TM9SF2: variants seen among roughly 807,000 people sequenced by gnomAD.
The protein encoded by TM9SF2 is transmembrane 9 superfamily member 2, also known as 76 kDa membrane protein.
Under a neutral mutation model 84.9 loss-of-function variants are expected in TM9SF2, and 13 were observed. That is an observed-to-expected ratio of 0.15 (90% CI 0.10 to 0.24). The LOEUF (loss-of-function observed/expected upper bound fraction) is 0.24. Among genes scored for constraint, TM9SF2 ranks in the 10% least tolerant of loss-of-function variants. The pLI, the probability that TM9SF2 is intolerant of heterozygous loss-of-function variation, is 1.00. For synonymous variants in TM9SF2, 273 were observed against 285.8 expected, an observed-to-expected ratio of 0.96 and a Z score of 0.45; for missense variants, 562 against 818.5, an observed-to-expected ratio of 0.69 and a Z score of 3.82.
chr13:99,535,226 C>A (rs903642823), intron 4 of TM9SF2, among the ~76,000 whole-genome samples: 33 of 152,072 alleles, frequency 2.2e-4, no homozygotes, highest in South Asian at 1.2e-3. Flanking sequence ...CTTCCTATTA[C>A]CAGAAAAAGC....
chr13:99,529,426 A>G (rs964544863), intron 3 of TM9SF2, 41 bp from the exon 4 acceptor site: 1 of 1,466,722 alleles, frequency 6.8e-7, no homozygotes, highest in Non-Finnish European at 9.0e-7. Flanking sequence ...AAAAACCTGG[A>G]TATTTTTTCT....
At chr13:99,543,328 A>G (rs1455901662) in intron 9 of TM9SF2, among the ~76,000 whole-genome samples, 1 of 152,166 alleles carries the variant, frequency 6.6e-6, no homozygotes, top group African/African-American at 2.4e-5. Flanking sequence ...TGCCTTCCCA[A>G]TGAGATCATG....
chr13:99,514,268 A>G (rs898214156), intron 1 of TM9SF2: 2 of 152,240 alleles, frequency 1.3e-5, no homozygotes, highest in African/African-American at 4.8e-5. Context: ...ACATTCATTC[A>G]CCGCTCACTC....
At chr13:99,551,342 T>C (rs578118711) in intron 12 of TM9SF2, among the ~76,000 whole-genome samples, 7 of 152,370 alleles carry the variant, frequency 4.6e-5, no homozygotes, top group African/African-American at 1.7e-4. Context: ...CATGGCAGCG[T>C]GCTAGATGTG....
intron 1 of TM9SF2, among the ~76,000 whole-genome samples, chr13:99,502,590 A>G (rs2046071464): frequency 6.6e-6 from 1 of 152,214 alleles, no homozygotes; most frequent in South Asian, 2.1e-4. Flanking sequence ...TTCACACTCA[A>G]GGTTTTCAGT....
At chr13:99,559,622 AG>A in intron 16 of TM9SF2, 88 bp downstream of exon 16, 1 of 1,277,292 alleles carries the variant, frequency 7.8e-7, no homozygotes, top group Non-Finnish European at 1.1e-6. Flanking sequence ...AAACCCATGA[AG>A]GCTTATTCTG....
intron 4 of TM9SF2, among the ~76,000 whole-genome samples, chr13:99,532,046 G>A (rs1036174076): frequency 6.6e-6 from 1 of 150,572 alleles, no homozygotes; most frequent in African/African-American, 2.4e-5. Flanking sequence ...GTCTGTGGAT[G>A]ATTTTTTTTT....
chr13:99,512,736 GACA>G (rs954901608), intron 1 of TM9SF2, among the ~76,000 whole-genome samples: 5 of 152,174 alleles, frequency 3.3e-5, no homozygotes, highest in Non-Finnish European at 5.9e-5. Context: ...CTAAAGTTTT[GACA>G]ACATTGTTTT....
At chr13:99,551,998 G>A (rs1718183753) in intron 12 of TM9SF2, among the ~76,000 whole-genome samples, 169 bp from the exon 13 acceptor site, 1 of 152,214 alleles carries the variant, frequency 6.6e-6, no homozygotes, top group Admixed American at 6.5e-5. Context: ...AATCTGAAGA[G>A]CAATTGGGTA....
intron 5 of TM9SF2, among the ~76,000 whole-genome samples, chr13:99,537,119 C>G (rs1314098824): frequency 8.1e-6 from 1 of 124,140 alleles, no homozygotes; most frequent in Non-Finnish European, 1.7e-5. Flanking sequence ...TTTTTAAGAC[C>G]TATGTGTCTT....
chr13:99,548,526 CT>C (rs1261934839), intron 11 of TM9SF2, among the ~76,000 whole-genome samples: 1 of 152,080 alleles, frequency 6.6e-6, no homozygotes, highest in African/African-American at 2.4e-5. Flanking sequence ...CAGACGTGTA[CT>C]TTCATTTTTC....
At chr13:99,507,802 G>A (rs2046094874) in intron 1 of TM9SF2, among the ~76,000 whole-genome samples, 1 of 152,152 alleles carries the variant, frequency 6.6e-6, no homozygotes, top group South Asian at 2.1e-4. Flanking sequence ...CATGACCCTT[G>A]TACAGTCACA....
Position 99,536,744 on chromosome 13 carries a change from T to C in TM9SF2, c.591+7T>C, listed in dbSNP as rs368274277. The C allele has an allele frequency of 6.2e-7, 1 of 1,612,474 alleles. No individual in the cohort carries two copies. Among genetic ancestry groups the C allele is most frequent in the Non-Finnish European group, 8.5e-7 (1 of 1,179,214 alleles). On this transcript the variant is annotated splice_region_variant and intron_variant, in intron 5 of 16. Coordinates refer to ENST00000376387, the MANE Select transcript of TM9SF2 (RefSeq NM_004800.3). ...AGATGCCTGTGTTATTAGTGTAAGTTCATGATAAACTCTTTGCTGCTTTTT... is the reference window on the plus strand; with the variant it reads ...AGATGCCTGTGTTATTAGTGTAAGTCCATGATAAACTCTTTGCTGCTTTTT...
rs1491280305 is a variant in TM9SF2, at chr13:99,503,732, A to AT, written c.171+1955_171+1956insT. Among the ~76,000 whole-genome samples, 179 of 146,200 alleles carry AT rather than the reference A, an allele frequency of 1.2e-3. 6 individuals carry two copies. Among genetic ancestry groups the AT allele is most frequent in the Middle Eastern group, 3.5e-3 (1 of 284 alleles). Reference sequence around the variant, plus strand: ...CTCAAAAAAAAAAAAAAAAAAAAAAAGAAGAAGAAGTGACATTTGAGATGG... The same window carrying AT: ...CTCAAAAAAAAAAAAAAAAAAAAAAATGAAGAAGAAGTGACATTTGAGATGG... On this transcript the variant is annotated intron_variant, in intron 1 of 16. Transcript: ENST00000376387.
intron 3 of TM9SF2, among the ~76,000 whole-genome samples, chr13:99,527,680 A>G (rs1176321319): frequency 1.3e-5 from 2 of 152,210 alleles, no homozygotes; most frequent in African/African-American, 4.8e-5. Flanking sequence ...GTGCAGCCTT[A>G]TATGATTTCC....
At chr13:99,539,635 T>C (rs1296698194) in intron 7 of TM9SF2, 78 bp downstream of exon 7, 9 of 936,644 alleles carry the variant, frequency 9.6e-6, no homozygotes, top group Non-Finnish European at 1.4e-5. Flanking sequence ...AAAATGTTAC[T>C]GATTATGCTT....
At chr13:99,535,903 A>G (rs759682137) in intron 4 of TM9SF2, among the ~76,000 whole-genome samples, 1 of 152,150 alleles carries the variant, frequency 6.6e-6, no homozygotes, top group Non-Finnish European at 1.5e-5. Context: ...CTTTTTCACT[A>G]TAGAACTTGA....
chr13:99,528,286 C>T (rs1160702330), intron 3 of TM9SF2, among the ~76,000 whole-genome samples: 1 of 152,230 alleles, frequency 6.6e-6, no homozygotes, highest in Non-Finnish European at 1.5e-5. Context: ...GGCTCAGATC[C>T]TGGCTATGCC....
intron 16 of TM9SF2, 73 bp from the exon 17 acceptor site, chr13:99,562,618 G>T: frequency 2.1e-6 from 3 of 1,451,800 alleles, no homozygotes; most frequent in Admixed American, 1.8e-5. Flanking sequence ...ACCAGTCATT[G>T]TAAGTCTGTA....
Sources: allele counts gnomAD v4.1 joint callset (sites outside exome capture counted in the v4.1 genomes callset), GRCh38; gene constraint gnomAD v4.1.1; transcripts MANE v1.5; gene names NCBI Gene and HGNC (gene_info 2026-07-23, HGNC 2026-07-21).